Variants in MAML3 observed in about 807,000 individuals in gnomAD.
MAML3 encodes mastermind like transcriptional coactivator 3.
Under a neutral mutation model 101.9 loss-of-function variants are expected in MAML3, and 27 were observed. That is an observed-to-expected ratio of 0.27 (90% CI 0.20 to 0.37). The LOEUF (loss-of-function observed/expected upper bound fraction) is 0.37, where lower values mean the gene tolerates loss of function less well. MAML3 is among the 10% of genes least tolerant of loss of function. The pLI is 1.00. For synonymous variants in MAML3, 501 were observed against 555.9 expected (o/e 0.90, Z 1.39); for missense variants, 1,316 against 1,444.9 (o/e 0.91, Z 1.45).
chr4:139,939,545 A>G (rs1298672416), intron 1 of MAML3, among the ~76,000 whole-genome samples: 1 of 152,004 alleles, frequency 6.6e-6, no homozygotes, highest in Admixed American at 6.6e-5. Flanking sequence ...TCAAAACCCT[A>G]TTCTCAACAA....
intron 2 of MAML3, among the ~76,000 whole-genome samples, chr4:139,774,925 C>G (rs932013): frequency 0.94 from 143,844 of 152,230 alleles, 68,486 homozygotes; most frequent in East Asian, 1. Context: ...CCGATGATCT[C>G]TCTTTTGGTG....
chr4:139,977,643 C>T (rs549423830), intron 1 of MAML3, among the ~76,000 whole-genome samples: 56 of 152,204 alleles, frequency 3.7e-4, no homozygotes, highest in South Asian at 1.0e-3. Context: ...GAGGCCGAGG[C>T]GGTTGGATCA....
At chr4:139,947,790 A>G (rs1473713550) in intron 1 of MAML3, among the ~76,000 whole-genome samples, 1 of 152,140 alleles carries the variant, frequency 6.6e-6, no homozygotes, top group Non-Finnish European at 1.5e-5. Context: ...ATTCTCAATT[A>G]GGATTTCTAG....
chr4:139,898,618 G>A (rs529523263), intron 1 of MAML3, among the ~76,000 whole-genome samples: 1 of 152,336 alleles, frequency 6.6e-6, no homozygotes, highest in South Asian at 2.1e-4. Context: ...TTGAAGATAA[G>A]AGAGTCTTAG....
intron 1 of MAML3, among the ~76,000 whole-genome samples, chr4:139,979,511 G>C (rs1327233421): frequency 6.6e-6 from 1 of 152,208 alleles, no homozygotes; most frequent in African/African-American, 2.4e-5. Context: ...AGTTGGGTTA[G>C]TGGTTGCTAC....
intron 1 of MAML3, among the ~76,000 whole-genome samples, chr4:140,121,833 G>A (rs1302025243): frequency 6.6e-6 from 1 of 152,178 alleles, no homozygotes; most frequent in Non-Finnish European, 1.5e-5. Context: ...ATCTTGAACT[G>A]TAGTTCCCAT....
At chr4:140,140,235 AAT>A (rs1728957660) in intron 1 of MAML3, among the ~76,000 whole-genome samples, 1 of 152,120 alleles carries the variant, frequency 6.6e-6, no homozygotes, top group South Asian at 2.1e-4. Flanking sequence ...GAGGCAAGAG[AAT>A]TGCCTGAACC....
chr4:139,966,995 T>C (rs1426915739), intron 1 of MAML3, among the ~76,000 whole-genome samples: 1 of 152,198 alleles, frequency 6.6e-6, no homozygotes, highest in Non-Finnish European at 1.5e-5. Flanking sequence ...CATGTACACA[T>C]AGATATATTC....
chr4:139,795,136 A>T (rs1730489097), intron 2 of MAML3, among the ~76,000 whole-genome samples: 1 of 152,224 alleles, frequency 6.6e-6, no homozygotes, highest in South Asian at 2.1e-4. Flanking sequence ...GCATGTCAAT[A>T]ACCCATCCTG....
chr4:139,860,764 TGTAG>T (rs1560816729), intron 2 of MAML3, among the ~76,000 whole-genome samples: 1 of 151,958 alleles, frequency 6.6e-6, no homozygotes, highest in East Asian at 1.9e-4. Flanking sequence ...TATGAGGTAT[TGTAG>T]GTACTCAGTA....
intron 1 of MAML3, among the ~76,000 whole-genome samples, chr4:140,028,423 G>A (rs934223067): frequency 1.3e-5 from 2 of 152,092 alleles, no homozygotes; most frequent in Non-Finnish European, 2.9e-5. Context: ...CTGTCTGTCT[G>A]TTTCTCTCTC....
intron 1 of MAML3, among the ~76,000 whole-genome samples, chr4:140,149,336 C>T (rs752765783): frequency 6.6e-5 from 10 of 152,204 alleles, no homozygotes; most frequent in Non-Finnish European, 1.3e-4. Context: ...GTGCCACCTG[C>T]TCTATCAACA....
intron 1 of MAML3, among the ~76,000 whole-genome samples, chr4:140,008,720 GA>G (rs916461299): frequency 8.6e-5 from 13 of 151,894 alleles, no homozygotes; most frequent in African/African-American, 2.9e-4. Context: ...TATGAGAATG[GA>G]AAAAAAGAGA....
At chr4:139,866,408 T>C (rs554665571) in intron 2 of MAML3, among the ~76,000 whole-genome samples, 1 of 152,322 alleles carries the variant, frequency 6.6e-6, no homozygotes, top group South Asian at 2.1e-4. Context: ...TCAGTGTGGC[T>C]GAGTGCCTAT....
At chr4:140,032,086 A>T (rs1021077618) in intron 1 of MAML3, among the ~76,000 whole-genome samples, 1 of 152,182 alleles carries the variant, frequency 6.6e-6, no homozygotes, top group African/African-American at 2.4e-5. Context: ...TTAGCCTTAA[A>T]TTTACCTGTC....
chr4:139,765,652 T>C (rs961971081), intron 2 of MAML3, among the ~76,000 whole-genome samples: 3 of 152,214 alleles, frequency 2.0e-5, no homozygotes, highest in African/African-American at 7.2e-5. Flanking sequence ...GCTTTTTTAT[T>C]TGGAAAATGC....
At chr4:139,806,253 A>G (rs532082945) in intron 2 of MAML3, among the ~76,000 whole-genome samples, 2 of 152,276 alleles carry the variant, frequency 1.3e-5, no homozygotes, top group Non-Finnish European at 2.9e-5. Context: ...GCAAATTTAT[A>G]ATATGTAAGT....
intron 1 of MAML3, among the ~76,000 whole-genome samples, chr4:140,075,162 G>A (rs940265746): frequency 1.3e-5 from 2 of 152,132 alleles, no homozygotes; most frequent in Non-Finnish European, 2.9e-5. Context: ...GGTTATTAGT[G>A]CCAATTTATC....
At chr4:140,103,060 C>T (rs1403053058) in intron 1 of MAML3, among the ~76,000 whole-genome samples, 2 of 152,166 alleles carry the variant, frequency 1.3e-5, no homozygotes, top group Admixed American at 1.3e-4. Context: ...CAAGAAACTC[C>T]CCGACGCCAC....
Sources: allele counts gnomAD v4.1 joint callset (sites outside exome capture counted in the v4.1 genomes callset), GRCh38; gene constraint gnomAD v4.1.1; transcripts MANE v1.5; gene names NCBI Gene and HGNC (gene_info 2026-07-23, HGNC 2026-07-21).